The following CACNA2D3 variants were observed in gnomAD, a reference collection of about 807,000 sequenced individuals.
The protein encoded by CACNA2D3 is voltage-dependent calcium channel subunit alpha-2/delta-3.
Under a neutral mutation model 160.6 loss-of-function variants are expected in CACNA2D3, and 60 were observed. That is an observed-to-expected ratio of 0.37 (90% CI 0.30 to 0.46). The LOEUF (loss-of-function observed/expected upper bound fraction) is 0.46. CACNA2D3 is among the 20% of genes least tolerant of loss of function. The pLI is 1.00. For missense variants in CACNA2D3, 1,205 were observed against 1,365.0 expected, an observed-to-expected ratio of 0.88 and a Z score of 1.85; for synonymous variants, 558 against 492.9, an observed-to-expected ratio of 1.13 and a Z score of -1.75.
intron 27 of CACNA2D3, among the ~76,000 whole-genome samples, chr3:54,906,520 G>T (rs1199050069): frequency 6.6e-6 from 1 of 152,152 alleles, no homozygotes; most frequent in Non-Finnish European, 1.5e-5. Flanking sequence ...CATATACAAT[G>T]GGAACTAATG....
chr3:54,126,899 C>T (rs1283364500), intron 2 of CACNA2D3, among the ~76,000 whole-genome samples: 2 of 152,152 alleles, frequency 1.3e-5, no homozygotes, highest in African/African-American at 4.8e-5. Flanking sequence ...TCATTTTCCC[C>T]GAAGAATGGA....
intron 27 of CACNA2D3, among the ~76,000 whole-genome samples, chr3:54,955,896 A>G (rs1005085628): frequency 1.1e-4 from 17 of 152,196 alleles, no homozygotes; most frequent in Admixed American, 6.5e-4. Flanking sequence ...TAACAACAGA[A>G]GATGGCTTTT....
rs564889708 is a variant in CACNA2D3, at chr3:54,463,746, C to T, written c.382-39746C>T. 1.6e-4 allele frequency among the ~76,000 whole-genome samples: 25 copies of T among 151,802 alleles called. No homozygotes were observed. The East Asian group carries it at 1.7e-3, about 11-fold the overall frequency. ...CTCCTGTAGCTCGGAGTAGTTTGAT[C>T]GTCTGAAGCCTTCTTCTCTGAACTC... On this transcript the variant is annotated intron_variant, in intron 4 of 37. Coordinates refer to ENST00000474759, the MANE Select transcript of CACNA2D3 (RefSeq NM_018398.3).
chr3:54,648,893 T>A (rs1699704209), intron 11 of CACNA2D3, among the ~76,000 whole-genome samples: 1 of 152,094 alleles, frequency 6.6e-6, no homozygotes, highest in Non-Finnish European at 1.5e-5. Context: ...ACTATTAGAA[T>A]GATAACTCAG....
chr3:54,637,518 G>A (rs1183586200), intron 10 of CACNA2D3, among the ~76,000 whole-genome samples: 3 of 151,956 alleles, frequency 2.0e-5, no homozygotes, highest in African/African-American at 7.3e-5. Flanking sequence ...AAAGAGTATT[G>A]TCTAAGTTGG....
intron 8 of CACNA2D3, among the ~76,000 whole-genome samples, chr3:54,574,994 C>T (rs369592984): frequency 3.9e-5 from 6 of 152,182 alleles, no homozygotes; most frequent in East Asian, 3.8e-4. Context: ...TAATCGATTC[C>T]GTATTAAAAG....
intron 26 of CACNA2D3, 71 bp downstream of exon 26, chr3:54,896,941 T>C: frequency 6.3e-7 from 1 of 1,596,782 alleles, no homozygotes; most frequent in Non-Finnish European, 8.6e-7. Context: ...TGCAGGGTGT[T>C]GGGGAGCTGC....
At chr3:54,570,162 G>A (rs1702471340) in intron 8 of CACNA2D3, 58 bp downstream of exon 8, 20 of 1,534,362 alleles carry the variant, frequency 1.3e-5, no homozygotes, top group Middle Eastern at 1.8e-4. Context: ...TTTTGGTAGT[G>A]ACTGGTTAAC....
chr3:54,786,206 T>C (rs13321479), intron 13 of CACNA2D3, among the ~76,000 whole-genome samples: 4,740 of 152,300 alleles, frequency 0.031, 232 homozygotes, highest in African/African-American at 0.11. Context: ...TTTTAAATTA[T>C]GCGTGGTAAC....
At position 54,541,842 on chromosome 3, in the gene CACNA2D3, A is replaced by G. The variant is rs148772167; in HGVS notation, c.545-20958A>G. Reference sequence around the variant, plus strand: ...GATGAAATTTAAATAAGATCTGTAGATTTAGGTGATGGTTTCATAGCAGTG... The same window carrying G: ...GATGAAATTTAAATAAGATCTGTAGGTTTAGGTGATGGTTTCATAGCAGTG... On this transcript the variant is annotated intron_variant, in intron 5 of 37. Transcript: ENST00000474759. Among the ~76,000 whole-genome samples the G allele has an allele frequency of 3.3e-3, 499 of 152,018 alleles. 4 individuals carry two copies. Among genetic ancestry groups the G allele is most frequent in the African/African-American group, 0.011 (471 of 41,448 alleles).
At chr3:54,921,336 A>G (rs575893524) in intron 27 of CACNA2D3, among the ~76,000 whole-genome samples, 2 of 152,258 alleles carry the variant, frequency 1.3e-5, no homozygotes, top group South Asian at 4.2e-4. Context: ...TCACTTCCCA[A>G]GATTGCTCTG....
At chr3:54,799,575 A>C (rs547432425) in intron 13 of CACNA2D3, among the ~76,000 whole-genome samples, 1 of 152,266 alleles carries the variant, frequency 6.6e-6, no homozygotes, top group Non-Finnish European at 1.5e-5. Context: ...GAGTGCAGTA[A>C]TGGCTTCATT....
At chr3:54,225,328 A>G (rs117467119) in intron 2 of CACNA2D3, among the ~76,000 whole-genome samples, 2,795 of 152,266 alleles carry the variant, frequency 0.018, 118 homozygotes, top group East Asian at 0.14. Context: ...GTATATGTGC[A>G]TGACTGAATA....
In CACNA2D3 at chr3:54,560,347, CT is replaced by C. The variant is rs539800694; in HGVS notation, c.545-2447del. Among the ~76,000 whole-genome samples the C allele has an allele frequency of 3.5e-3, 534 of 152,278 alleles. 7 individuals are homozygous for C. Among genetic ancestry groups the C allele is most frequent in the African/African-American group, 0.012 (508 of 41,550 alleles). On this transcript the variant is annotated intron_variant, in intron 5 of 37. Transcript: ENST00000474759. ...TTCTCTAATGATCAGTGATGTTGAG[CT>C]TTTTTAAATGTGATTGTTGGCTGCA...
At chr3:54,190,597 T>C (rs969893699) in intron 2 of CACNA2D3, among the ~76,000 whole-genome samples, 2 of 152,220 alleles carry the variant, frequency 1.3e-5, no homozygotes, top group African/African-American at 2.4e-5. Context: ...ATAGAGACCT[T>C]TGGACATGAA....
intron 3 of CACNA2D3, among the ~76,000 whole-genome samples, chr3:54,367,163 C>A (rs1171101750): frequency 6.6e-6 from 1 of 152,028 alleles, no homozygotes; most frequent in Non-Finnish European, 1.5e-5. Context: ...TTTCTACTCC[C>A]AACAGCTGTC....
At chr3:54,971,838 G>A (rs150767881) in intron 29 of CACNA2D3, among the ~76,000 whole-genome samples, 318 of 152,226 alleles carry the variant, frequency 2.1e-3, no homozygotes, top group African/African-American at 7.2e-3. Context: ...GTGTGACCTT[G>A]GGCAAGTTTC....
At chr3:54,661,837 G>GGTGTGTGTGTGTGT (rs1559542452) in intron 11 of CACNA2D3, among the ~76,000 whole-genome samples, 7 of 34,832 alleles carry the variant, frequency 2.0e-4, no homozygotes, top group East Asian at 7.0e-4. Context: ...ACATCTCAGG[G>GGTGTGTGTGTGTGT]ATGTGTGTAT....
chr3:54,225,031 G>T (rs375385258), intron 2 of CACNA2D3, among the ~76,000 whole-genome samples: 1 of 149,066 alleles, frequency 6.7e-6, no homozygotes, highest in African/African-American at 2.5e-5. Flanking sequence ...GTATACATGT[G>T]CCATGTTGGT....
Sources: allele counts gnomAD v4.1 joint callset (sites outside exome capture counted in the v4.1 genomes callset), GRCh38; gene constraint gnomAD v4.1.1; transcripts MANE v1.5; gene names NCBI Gene and HGNC (gene_info 2026-07-23, HGNC 2026-07-21).